Variants in FAM83A observed in about 807,000 individuals in gnomAD.
FAM83A encodes scaffolding CK1 anchoring protein A, also known as protein FAM83A.
A neutral mutation model predicts 24.4 loss-of-function variants in FAM83A; 21 were observed. The ratio of observed to expected loss-of-function variants is 0.86; its 90% CI spans 0.61 to 1.24. The LOEUF (loss-of-function observed/expected upper bound fraction) is 1.24, where lower values mean the gene tolerates loss of function less well. FAM83A is among the 50% of genes most tolerant of loss of function. The probability of loss-of-function intolerance (pLI) is 0.00; values close to 1 mark genes in which losing one functional copy is unlikely to be tolerated. For synonymous variants in FAM83A, 270 were observed against 252.4 expected (o/e 1.07, Z -0.66); for missense variants, 617 against 579.8 (o/e 1.06, Z -0.66).
intron 1 of FAM83A, among the ~76,000 whole-genome samples, chr8:123,187,803 T>G (rs1391289721): frequency 6.6e-6 from 1 of 152,140 alleles, no homozygotes; most frequent in East Asian, 1.9e-4. Context: ...AGGATGATGT[T>G]CCTGGCAGGG....
intron 1 of FAM83A, among the ~76,000 whole-genome samples, chr8:123,190,587 GC>G (rs1823943013): frequency 6.6e-6 from 1 of 152,102 alleles, no homozygotes; most frequent in Non-Finnish European, 1.5e-5. Flanking sequence ...TTTAATGACT[GC>G]CTAATAAGCT....
At chr8:123,206,942 C>T (rs1824570849) in intron 3 of FAM83A, among the ~76,000 whole-genome samples, 1 of 149,704 alleles carries the variant, frequency 6.7e-6, no homozygotes, top group Admixed American at 6.6e-5. Context: ...TCCTCTTCTT[C>T]CTCCTCCCCC....
At chr8:123,194,258 G>A (rs943920589) in intron 3 of FAM83A, 110 bp downstream of exon 3, 1 of 1,477,364 alleles carries the variant, frequency 6.8e-7, no homozygotes, top group African/African-American at 1.4e-5. Flanking sequence ...GCTCCCAGAA[G>A]GTCTCCCTCT....
chr8:123,209,183 G>T lies in FAM83A; in HGVS notation c.*1495G>T. 8.8e-7 allele frequency: 1 copy of T among 1,139,774 alleles called. No homozygotes were observed. The highest frequency in any genetic ancestry group is 3.5e-5 in the South Asian group (1 of 28,538). The allele number at this position is 1,139,774 out of a possible 1,614,324, so 70.6% of individuals were successfully genotyped here. ...TTCTAGGCCCTCTCCTCCCTTGTCG[G>T]TTTTTGGCGGGGAAGCTCAGCCTTC... On this transcript the variant is annotated 3_prime_UTR_variant, in exon 4 of 4. Coordinates refer to ENST00000690554, the Ensembl canonical transcript of FAM83A. The surrounding 1 kb of genome is among the most constrained non-coding windows in gnomAD (Gnocchi z 4.7).
At chr8:123,207,589 G>A (rs753181960) in exon 4 of FAM83A, 1 of 1,573,242 alleles carries the variant, frequency 6.4e-7, no homozygotes, top group Non-Finnish European at 8.6e-7. Context: ...GCAACCTGGG[G>A]GCCTACAGGC....
At chr8:123,182,583 AG>A, upstream of FAM83A, 1 of 648,292 alleles carries the variant, frequency 1.5e-6, no homozygotes, top group Non-Finnish European at 2.8e-6. Context: ...GACTGTGCCA[AG>A]GAGGTGTCTG....
upstream of FAM83A, chr8:123,182,649 C>A: frequency 1.2e-6 from 1 of 817,796 alleles, no homozygotes. Context: ...ATAAGCCAAT[C>A]CCGCAGCTGC....
chr8:123,198,214 G>A (rs748602233), intron 3 of FAM83A, among the ~76,000 whole-genome samples: 1 of 152,048 alleles, frequency 6.6e-6, no homozygotes, highest in Non-Finnish European at 1.5e-5. Context: ...CTTCTTACCC[G>A]GAGGCTCTTA....
chr8:123,187,965 A>G (rs1001091661), intron 1 of FAM83A, among the ~76,000 whole-genome samples: 7 of 151,926 alleles, frequency 4.6e-5, no homozygotes, highest in Admixed American at 1.3e-4. Flanking sequence ...GGTTCAAGCA[A>G]TTCTTGTGCC....
chr8:123,188,688 G>A (rs112423222), intron 1 of FAM83A, among the ~76,000 whole-genome samples: 61 of 152,218 alleles, frequency 4.0e-4, no homozygotes, highest in African/African-American at 1.4e-3. Flanking sequence ...TCGCCAAGTT[G>A]CCCAGGTTGG....
chr8:123,196,393 G>A (rs1824155334), intron 3 of FAM83A, among the ~76,000 whole-genome samples: 1 of 152,202 alleles, frequency 6.6e-6, no homozygotes, highest in South Asian at 2.1e-4. Context: ...GATTGCTGAT[G>A]TATTTGGATT....
At chr8:123,201,034 C>T (rs546559571) in intron 3 of FAM83A, 1 of 149,506 alleles carries the variant, frequency 6.7e-6, no homozygotes, top group African/African-American at 2.5e-5. Flanking sequence ...ACGTGCCTGT[C>T]ATCTTGGCTA....
chr8:123,203,186 C>T (rs1006471370), intron 3 of FAM83A, among the ~76,000 whole-genome samples: 1 of 151,196 alleles, frequency 6.6e-6, no homozygotes, highest in Non-Finnish European at 1.5e-5. Context: ...CTAAAACTCT[C>T]AGTAGATTTC....
At chr8:123,199,279 A>G (rs548186184) in intron 3 of FAM83A, among the ~76,000 whole-genome samples, 1 of 152,320 alleles carries the variant, frequency 6.6e-6, no homozygotes, top group East Asian at 1.9e-4. Context: ...TTTGATATTA[A>G]TAATTATAAT....
At position 123,209,239 on chromosome 8, in the gene FAM83A, C is replaced by T. The variant is rs1824657289; in HGVS notation, c.*1551C>T. 1 of 1,247,830 alleles carries T rather than the reference C, an allele frequency of 8.0e-7. No homozygotes were observed. Among genetic ancestry groups the T allele is most frequent in the Non-Finnish European group, 1.0e-6 (1 of 1,001,712 alleles). 77.3% of individuals were successfully genotyped at this position (1,247,830 alleles called of 1,614,324 possible). On this transcript the variant is annotated 3_prime_UTR_variant, in exon 4 of 4. Transcript: ENST00000690554. The surrounding 1 kb of genome is among the most constrained non-coding windows in gnomAD (Gnocchi z 4.7). ...GGAGGGACGAGAGCACAGAGCTCTT[C>T]CTCCTGGTGGCCTCTGACCCCTGAC...
chr8:123,209,077 T>A lies in FAM83A; in HGVS notation c.*1389T>A. 2.0e-6 allele frequency: 2 copies of A among 1,006,876 alleles called. No individual in the cohort carries two copies. Among genetic ancestry groups the A allele is most frequent in the Non-Finnish European group, 2.4e-6 (2 of 844,554 alleles). The allele number at this position is 1,006,876 out of a possible 1,614,324, so 62.4% of individuals were successfully genotyped here. ...GTAAGAGTTAACCCTGCACCTCAGG[T>A]GTGATAGTGGGGTCAGTGGTATGTG... On this transcript the variant is annotated 3_prime_UTR_variant, in exon 4 of 4. Transcript: ENST00000690554. This position sits in a 1 kb window ranked among gnomAD's most constrained non-coding sequence, Gnocchi z 4.7.
intron 1 of FAM83A, among the ~76,000 whole-genome samples, chr8:123,188,339 T>C (rs2131067698): frequency 6.6e-6 from 1 of 152,300 alleles, no homozygotes; most frequent in East Asian, 1.9e-4. Flanking sequence ...ATGATCATCT[T>C]GAGATCCTTT....
intron 3 of FAM83A, among the ~76,000 whole-genome samples, chr8:123,195,749 G>T (rs1824128475): frequency 6.6e-6 from 1 of 151,580 alleles, no homozygotes; most frequent in Non-Finnish European, 1.5e-5. Flanking sequence ...TCCCTTCATG[G>T]TAAAAAAAAA....
chr8:123,181,697 G>C (rs1823602510), upstream of FAM83A: 1 of 194,676 alleles, frequency 5.1e-6, no homozygotes, highest in Non-Finnish European at 1.1e-5. Context: ...GTTCCCACAG[G>C]CTGGAACCCC....
Sources: gnomAD v4.1 joint callset for allele counts (sites outside exome capture counted in the v4.1 genomes callset) on GRCh38, gnomAD v4.1.1 for gene constraint, Gnocchi (gnomAD v3.1) non-coding constraint, MANE v1.5 for transcripts, NCBI Gene and HGNC (gene_info 2026-07-23, HGNC 2026-07-21) for gene names.